Variants in ERN1 observed in about 807,000 individuals in gnomAD.
ERN1 encodes endoplasmic reticulum to nucleus signaling 1, also known as serine/threonine-protein kinase/endoribonuclease IRE1.
A neutral mutation model predicts 113.1 loss-of-function variants in ERN1; 39 were observed. The ratio of observed to expected loss-of-function variants is 0.34; its 90% confidence interval spans 0.27 to 0.45. The LOEUF is 0.45. Ranked by LOEUF, ERN1 falls within the 20% of genes least tolerant of loss-of-function variation. The probability of loss-of-function intolerance (pLI) is 1.00; values close to 1 mark genes in which losing one functional copy is unlikely to be tolerated. For synonymous variants in ERN1, 507 were observed against 515.9 expected (o/e 0.98, Z 0.23); for missense variants, 976 against 1,274.8 (o/e 0.77, Z 3.57).
Position 64,040,537 on chromosome 17 carries a change from C to T in ERN1, c.*3451G>A, listed in dbSNP as rs1912304741. 6.6e-6 allele frequency: 1 copy of T among 152,274 alleles called. No individual in the cohort carries two copies. The highest frequency in any genetic ancestry group is 1.5e-5 in the Non-Finnish European group (1 of 68,078). The allele number at this position is 152,274 out of a possible 1,614,324, so 9.4% of individuals were successfully genotyped here. ...AGAATTGCCAAAGATAACTGAATCG[C>T]ATGCACACAAAACCTTACCAAAGGC... On this transcript the variant is annotated 3_prime_UTR_variant, in exon 22 of 22. Transcript: ENST00000433197.
intron 1 of ERN1, among the ~76,000 whole-genome samples, chr17:64,106,473 T>A (rs1351098345): frequency 1.3e-5 from 2 of 152,148 alleles, no homozygotes; most frequent in East Asian, 3.8e-4. Context: ...AATGTGCCTA[T>A]GCCAAAGCAC....
At chr17:64,071,889 G>A in intron 6 of ERN1, 92 bp downstream of exon 6, 5 of 1,418,340 alleles carry the variant, frequency 3.5e-6, no homozygotes, top group Non-Finnish European at 4.8e-6. Flanking sequence ...GAAAAAAGCA[G>A]CTCTGGCCAC....
intron 19 of ERN1, among the ~76,000 whole-genome samples, chr17:64,046,114 C>T (rs1034336378): frequency 2.0e-5 from 3 of 152,214 alleles, no homozygotes; most frequent in African/African-American, 7.2e-5. Flanking sequence ...GACAGGTCGA[C>T]AGCTGAGGAC....
At chr17:64,104,177 G>A (rs1205698813) in intron 1 of ERN1, among the ~76,000 whole-genome samples, 1 of 152,204 alleles carries the variant, frequency 6.6e-6, no homozygotes, top group Non-Finnish European at 1.5e-5. Context: ...GGGAAGCAAA[G>A]GTTGCAGTGA....
rs1270345110 is a variant in ERN1 at position 64,104,329 on chromosome 17, C to T, written c.55-6088G>A. On this transcript the variant is annotated intron_variant, in intron 1 of 21. Coordinates refer to ENST00000433197, the MANE Select transcript of ERN1 (RefSeq NM_001433.5). Reference sequence around the variant, plus strand: ...TGAAGTTTTGGTTTGTTTCCACTTACCACTGCCTTGTTGCCCCCTGCAATG... The same window carrying T: ...TGAAGTTTTGGTTTGTTTCCACTTATCACTGCCTTGTTGCCCCCTGCAATG... 2.6e-5 allele frequency among the ~76,000 whole-genome samples: 4 copies of T among 152,210 alleles called. No individual in the cohort carries two copies. In the South Asian group the frequency reaches 8.3e-4, roughly 32 times the overall value.
In ERN1 at chr17:64,105,021, C is replaced by T. The variant is rs560560108; in HGVS notation, c.55-6780G>A. ...AAAAAAAAAGGCGTGTACACACACA[C>T]ACACACAGAAAACCTACGATTGTGA... On this transcript the variant is annotated intron_variant, in intron 1 of 21. Transcript: ENST00000433197. Among the ~76,000 whole-genome samples, 957 of 152,208 alleles carry T rather than the reference C, an allele frequency of 6.3e-3. 17 individuals carry two copies. The highest frequency in any genetic ancestry group is 0.022 in the African/African-American group (914 of 41,538).
At position 64,063,870 on chromosome 17, in the gene ERN1, G is replaced by T; in HGVS notation, c.1087+116C>A. On this transcript the variant is annotated intron_variant, in intron 10 of 21. Coordinates refer to ENST00000433197, the MANE Select transcript of ERN1 (RefSeq NM_001433.5). This position sits in a 1 kb window ranked among gnomAD's most constrained non-coding sequence, Gnocchi z 5.1. Reference sequence around the variant, plus strand: ...CAAGGTCTCAGGGGCCAGCCGGGAAGGGCTCTGAGCACAAGGCCTTCCGAG... The same window carrying T: ...CAAGGTCTCAGGGGCCAGCCGGGAATGGCTCTGAGCACAAGGCCTTCCGAG... 1.1e-6 allele frequency: 1 copy of T among 904,930 alleles called. No homozygotes were observed. Among genetic ancestry groups the T allele is most frequent in the Non-Finnish European group, 1.7e-6 (1 of 595,780 alleles). 56.1% of individuals were successfully genotyped at this position (904,930 alleles called of 1,614,324 possible). A position where few individuals can be genotyped will look rare whatever the true frequency, so the allele number is the denominator to read the frequency against.
intron 1 of ERN1, among the ~76,000 whole-genome samples, chr17:64,100,323 T>C (rs192554026): frequency 6.6e-6 from 1 of 152,126 alleles, no homozygotes; most frequent in Admixed American, 6.5e-5. Flanking sequence ...GGAGGATGAA[T>C]AAATGAAAGG....
chr17:64,080,092 T>C (rs1305905592), intron 3 of ERN1, among the ~76,000 whole-genome samples: 3 of 152,224 alleles, frequency 2.0e-5, no homozygotes, highest in African/African-American at 7.2e-5. Flanking sequence ...CAATTGTATA[T>C]AGAACTCCAG....
intron 1 of ERN1, among the ~76,000 whole-genome samples, chr17:64,111,221 T>C (rs1914662828): frequency 6.6e-6 from 1 of 152,246 alleles, no homozygotes; most frequent in South Asian, 2.1e-4. Context: ...TGTTCTGATA[T>C]ATGTACACAT....
intron 1 of ERN1, among the ~76,000 whole-genome samples, chr17:64,109,740 C>T (rs1489948385): frequency 6.6e-6 from 1 of 152,194 alleles, no homozygotes; most frequent in African/African-American, 2.4e-5. Flanking sequence ...GTGACTTGCC[C>T]AGGGCACCAC....
intron 2 of ERN1, among the ~76,000 whole-genome samples, chr17:64,092,951 A>C (rs747067617): frequency 2.6e-5 from 4 of 152,340 alleles, no homozygotes; most frequent in Admixed American, 1.3e-4. Flanking sequence ...ACAGCTACAA[A>C]ATCAGTGCTT....
chr17:64,125,013 T>C (rs1567890799), intron 1 of ERN1, among the ~76,000 whole-genome samples: 1 of 152,208 alleles, frequency 6.6e-6, no homozygotes, highest in African/African-American at 2.4e-5. Context: ...GTATGAAGTT[T>C]ATTTCTGGGA....
chr17:64,070,220 T>C (rs890196664), intron 6 of ERN1, among the ~76,000 whole-genome samples: 2 of 152,176 alleles, frequency 1.3e-5, no homozygotes, highest in Non-Finnish European at 2.9e-5. Context: ...CTCAGATACA[T>C]GAGTGAGGCC....
chr17:64,117,559 G>A (rs1045914090), intron 1 of ERN1, among the ~76,000 whole-genome samples: 3 of 151,988 alleles, frequency 2.0e-5, no homozygotes, highest in African/African-American at 7.3e-5. Flanking sequence ...CATACCTGAG[G>A]ACTATCAACA....
At chr17:64,098,027 G>T in intron 2 of ERN1, 94 bp downstream of exon 2, 1 of 1,439,140 alleles carries the variant, frequency 6.9e-7, no homozygotes, top group Non-Finnish European at 9.6e-7. Flanking sequence ...TATTTTATTA[G>T]ATAATGAGTA....
intron 1 of ERN1, among the ~76,000 whole-genome samples, chr17:64,118,158 G>C (rs1914861302): frequency 6.6e-6 from 1 of 152,164 alleles, no homozygotes; most frequent in South Asian, 2.1e-4. Context: ...AATTTGGGAA[G>C]ACATTTGGAA....
intron 1 of ERN1, 84 bp downstream of exon 1, chr17:64,129,892 T>TC: frequency 8.0e-7 from 1 of 1,248,422 alleles, no homozygotes; most frequent in East Asian, 3.1e-5. Context: ...CAGCTCGGAC[T>TC]CCAGCCCCGG....
At position 64,039,511 on chromosome 17, in the gene ERN1, T is replaced by C. The variant is rs532667869; in HGVS notation, c.*4477A>G. 4.6e-5 allele frequency: 7 copies of C among 152,240 alleles called. No homozygotes were observed. The South Asian group carries it at 8.3e-4, about 18-fold the overall frequency. 9.4% of individuals were successfully genotyped at this position (152,240 alleles called of 1,614,324 possible). A position where few individuals can be genotyped will look rare whatever the true frequency, so the allele number is the denominator to read the frequency against. On this transcript the variant is annotated 3_prime_UTR_variant, in exon 22 of 22. Coordinates refer to ENST00000433197, the MANE Select transcript of ERN1 (RefSeq NM_001433.5). ...TAATAAGACTACTGTAAAGCATCCA[T>C]CCCATGGAAGGATACAGTATCACTT...
Sources: gnomAD v4.1 joint callset for allele counts (sites outside exome capture counted in the v4.1 genomes callset) on GRCh38, gnomAD v4.1.1 for gene constraint, Gnocchi (gnomAD v3.1) non-coding constraint, MANE v1.5 for transcripts, NCBI Gene and HGNC (gene_info 2026-07-23, HGNC 2026-07-21) for gene names.